CILP2: variants seen among roughly 807,000 people sequenced by gnomAD.
CILP2 encodes the protein cartilage intermediate layer protein 2, also known as CILP-2.
Under a neutral mutation model 45.6 loss-of-function variants are expected in CILP2, and 38 were observed. The observed-to-expected ratio is 0.83, with a 90% CI of 0.64 to 1.09. The LOEUF is 1.09. CILP2 is among the 50% of genes least tolerant of loss of function. The pLI is 0.00. For missense variants in CILP2, 1,735 were observed against 1,662.2 expected (o/e 1.04, Z -0.76); for synonymous variants, 780 against 723.5 (o/e 1.08, Z -1.25).
In CILP2 at chr19:19,544,255, C is replaced by G; in HGVS notation, c.1710C>G (p.Ile570Met). Reference protein sequence around the residue: ...VILHTSQSNTIPLGELEDEAP... With the variant: ...VILHTSQSNTMPLGELEDEAP... ...TACATACCAGCCAGAGCAACACGAT[C>G]CCCCTGGGCGAGCTGGAAGATGAGG... The change falls in exon 8 of 8, where the codon ATC becomes ATG. Residue 570 changes from isoleucine to methionine, a missense_variant. Physicochemically the swap from Ile to Met is conservative, Grantham distance 10 (BLOSUM62 1). Coordinates refer to ENST00000291495, the MANE Select transcript of CILP2 (RefSeq NM_153221.2). 2.5e-6 allele frequency: 4 copies of G among 1,613,756 alleles called. No individual in the cohort carries two copies. The highest frequency in any genetic ancestry group is 3.4e-6 in the Non-Finnish European group (4 of 1,180,004).
Position 19,545,989 on chromosome 19 carries a change from CACCCGCCGGGGT to C in CILP2, c.3446_3457del (p.Thr1149_Gly1152del), listed in dbSNP as rs915105055. 2 of 1,507,484 alleles carry C rather than the reference CACCCGCCGGGGT, an allele frequency of 1.3e-6. No homozygotes were observed. The highest frequency in any genetic ancestry group is 2.8e-5 in the African/African-American group (2 of 71,682). The allele number at this position is 1,507,484 out of a possible 1,614,324, so 93.4% of individuals were successfully genotyped here. On this transcript the variant is annotated inframe_deletion, in exon 8 of 8. Transcript: ENST00000291495. ...AGGCCCGGGCCTCAGGTCCCCTCCGCACCCGCCGGGGTAGGGTCCGGCAGTGACCTGGGCAGG... is the reference window on the plus strand; with the variant it reads ...AGGCCCGGGCCTCAGGTCCCCTCCGCAGGGTCCGGCAGTGACCTGGGCAGG...
chr19:19,539,859 G>A, intron 2 of CILP2, 82 bp downstream of exon 2: 1 of 1,143,804 alleles, frequency 8.7e-7, no homozygotes, highest in Non-Finnish European at 1.2e-6. Context: ...CGTGTGAGGA[G>A]AGGGCACACA....
Position 19,542,403 on chromosome 19 carries a change from G to T in CILP2, c.621G>T (p.Pro207=). 6.2e-7 allele frequency: 1 copy of T among 1,612,008 alleles called. No homozygotes were observed. The change falls in exon 5 of 8, where the codon CCG becomes CCT. Residue 207 remains proline, a synonymous_variant. Coordinates refer to ENST00000291495, the MANE Select transcript of CILP2 (RefSeq NM_153221.2). ...GCAGCCTTGACACCTGTGAATGCCC[G>T]GACCACATCCTCCTGGGCTCGGTGG... ...PGCSLDTCEC[P]DHILLGSVVT... is the part of the protein sequence containing the mutation.
chr19:19,546,065 C>CTGT lies in CILP2; in HGVS notation c.*49_*50insTGT. On this transcript the variant is annotated 3_prime_UTR_variant, in exon 8 of 8. Transcript: ENST00000291495. ...CACCTCCCTCCAGACTCCTTTGACC[C>CTGT]CAGGAAGTTTTGCCCCTCCTTCTTC... 7.3e-7 allele frequency: 1 copy of CTGT among 1,368,478 alleles called. No individual in the cohort carries two copies. Among genetic ancestry groups the CTGT allele is most frequent in the South Asian group, 1.9e-5 (1 of 52,994 alleles). The allele number at this position is 1,368,478 out of a possible 1,614,324, so 84.8% of individuals were successfully genotyped here. A position where few individuals can be genotyped will look rare whatever the true frequency, so the allele number is the denominator to read the frequency against.
In CILP2 at chr19:19,545,951, G is replaced by T. The variant is rs1371066088; in HGVS notation, c.3406G>T (p.Ala1136Ser). 6.4e-7 allele frequency: 1 copy of T among 1,557,444 alleles called. No individual in the cohort carries two copies. The highest frequency in any genetic ancestry group is 8.7e-7 in the Non-Finnish European group (1 of 1,146,902). Residue 1136 changes from alanine (A) to serine (S), a missense_variant, in exon 8 of 8, where the codon GCG becomes TCG. Transcript: ENST00000291495. ...TGACATCCGCAGGGAGATGAGCGAG[G>T]CGGCGCAGGCACAGGCCCGGGCCTC... ...LGDIRREMSE[A>S]AQAQARASGP...
rs1222323347 is a variant in CILP2, at chr19:19,543,411, TG to T, written c.1135+7del. On this transcript the variant is annotated splice_region_variant and intron_variant, in intron 7 of 7. Coordinates refer to ENST00000291495, the MANE Select transcript of CILP2 (RefSeq NM_153221.2). ...TGCCCGGCTCACTGTACTTGGTGAG[TG>T]TCCTTGGCCACAGCCCCGAGCAAGC... The T allele has an allele frequency of 6.2e-7, 1 of 1,612,730 alleles. No individual in the cohort carries two copies. The highest frequency in any genetic ancestry group is 2.2e-5 in the East Asian group (1 of 44,866).
rs755053712 is a variant in CILP2 at position 19,545,151 on chromosome 19, G to A, written c.2606G>A (p.Gly869Asp). The change falls in exon 8 of 8, where the codon GGT (glycine) becomes GAT (aspartate). Residue 869 changes from glycine (G) to aspartate (D), a missense_variant. Transcript: ENST00000291495. Reference protein sequence around the residue: ...FRINLAKPRPGDPAEANGPVY... With the variant: ...FRINLAKPRPDDPAEANGPVY... ...ATCAACCTCGCCAAGCCCAGGCCAG[G>A]TGACCCCGCCGAGGCCAATGGGCCT... 2 of 1,612,546 alleles carry A rather than the reference G, an allele frequency of 1.2e-6. No individual in the cohort carries two copies. Among genetic ancestry groups the A allele is most frequent in the Non-Finnish European group, 1.7e-6 (2 of 1,179,834 alleles).
At chr19:19,542,773 C>A in intron 5 of CILP2, 91 bp from the exon 6 acceptor site, 1 of 1,568,098 alleles carries the variant, frequency 6.4e-7, no homozygotes, top group South Asian at 1.1e-5. Context: ...CAGAGTGAGT[C>A]GGCATTTCTG....
chr19:19,542,151 C>T (rs1042799802), intron 4 of CILP2, among the ~76,000 whole-genome samples: 30 of 152,180 alleles, frequency 2.0e-4, no homozygotes, highest in Non-Finnish European at 1.2e-4. Flanking sequence ...CTCTTCCCTA[C>T]GTCTCTGGAT....
In CILP2 at chr19:19,539,660, C is replaced by T. The variant is rs1485318666; in HGVS notation, c.65-19C>T. ...CATCAGTAGCAGCGTGCTTCCTTCT[C>T]CCCACTCCTCACCCACAGACGCCAC... On this transcript the variant is annotated intron_variant, in intron 1 of 7. Coordinates refer to ENST00000291495, the MANE Select transcript of CILP2 (RefSeq NM_153221.2). The T allele has an allele frequency of 1.3e-6, 2 of 1,550,308 alleles. No homozygotes were observed. The highest frequency in any genetic ancestry group is 2.4e-5 in the South Asian group (2 of 84,212).
At chr19:19,538,803 C>A (rs573414028) in intron 1 of CILP2, among the ~76,000 whole-genome samples, 4 of 152,222 alleles carry the variant, frequency 2.6e-5, no homozygotes, top group Non-Finnish European at 5.9e-5. Flanking sequence ...GACGGGCCCA[C>A]TTCTCAAGTG....
chr19:19,544,418 C>A lies in CILP2; in HGVS notation c.1873C>A (p.Leu625Met), dbSNP rs752175387. The A allele has an allele frequency of 2.5e-6, 4 of 1,610,474 alleles. No homozygotes were observed. The African/African-American group carries it at 4.0e-5, about 16-fold the overall frequency. The change falls in exon 8 of 8, where the codon CTG (leucine) becomes ATG (methionine). Residue 625 changes from leucine (L) to methionine (M), a missense_variant. Transcript: ENST00000291495. ...LTSAASAPSD[L>M]RFVDSDGELA... The stretch of plus-strand genomic sequence containing the variant: ...CTCGGCGGCGTCTGCCCCCAGTGAC[C>A]TGCGCTTCGTGGACAGCGACGGCGA...
Position 19,543,934 on chromosome 19 carries a change from T to C in CILP2, c.1389T>C (p.Cys463=). ...TCCCAGTGAAGGTGGTGGCAGAGTG[T>C]GGCTGCCAGAAGTGTCTGCCCCCTC... is the stretch of plus-strand genomic sequence containing the variant. ...YVLPVKVVAE[C]GCQKCLPPRG... The change falls in exon 8 of 8, where the codon TGT becomes TGC. Residue 463 remains cysteine, a synonymous_variant. Coordinates refer to ENST00000291495, the MANE Select transcript of CILP2 (RefSeq NM_153221.2). The C allele has an allele frequency of 1.9e-6, 3 of 1,613,452 alleles. No individual in the cohort carries two copies. Among genetic ancestry groups the C allele is most frequent in the Non-Finnish European group, 2.5e-6 (3 of 1,179,664 alleles).
At chr19:19,542,993 C>G in intron 6 of CILP2, 21 bp downstream of exon 6, 1 of 1,478,176 alleles carries the variant, frequency 6.8e-7, no homozygotes, top group African/African-American at 1.4e-5. Flanking sequence ...GCCCCGGGCT[C>G]AGGGGCATCT....
Position 19,538,301 on chromosome 19 carries a change from C to A in CILP2, c.-49C>A. On this transcript the variant is annotated 5_prime_UTR_variant, in exon 1 of 8. Transcript: ENST00000291495. ...CCGCCAGACCCGCCGGAGTTGGACCCGAGCACGCCGCGGAGCCCGGACCCT... is the reference window on the plus strand; with the variant it reads ...CCGCCAGACCCGCCGGAGTTGGACCAGAGCACGCCGCGGAGCCCGGACCCT... 2 of 1,526,142 alleles carry A rather than the reference C, an allele frequency of 1.3e-6. No individual in the cohort carries two copies. The highest frequency in any genetic ancestry group is 1.8e-6 in the Non-Finnish European group (2 of 1,138,588). The allele number at this position is 1,526,142 out of a possible 1,614,324, so 94.5% of individuals were successfully genotyped here. A position where few individuals can be genotyped will look rare whatever the true frequency, so the allele number is the denominator to read the frequency against.
intron 2 of CILP2, 168 bp from the exon 3 acceptor site, chr19:19,540,036 A>T: frequency 1.1e-6 from 1 of 945,798 alleles, no homozygotes; most frequent in African/African-American, 1.7e-5. Flanking sequence ...GTCGCGGGGA[A>T]CCCAGTCTGC....
At position 19,542,596 on chromosome 19, in the gene CILP2, C is replaced by A. The variant is rs1016706792; in HGVS notation, c.814C>A (p.Gln272Lys). Residue 272 changes from glutamine to lysine, a missense_variant, in exon 5 of 8, where the codon CAG becomes AAG. Gln to Lys is a moderately conservative substitution (Grantham distance 53). Transcript: ENST00000291495. The stretch of plus-strand genomic sequence containing the variant: ...GGATGGCTTCTCTGCAGGGGAGGCC[C>A]AGGCCCAGGCCAACGGATCCATCTC... ...QMDGFSAGEA[Q>K]AQANGSISVV... The A allele has an allele frequency of 1.2e-6, 2 of 1,614,096 alleles. No homozygotes were observed. Among genetic ancestry groups the A allele is most frequent in the Admixed American group, 3.3e-5 (2 of 60,030 alleles).
chr19:19,540,294 G>C lies in CILP2; in HGVS notation c.254G>C (p.Gly85Ala). ...ESLAAIRFYY[G>A]PARVCPRPLA... ...CTGGCTGCCATCCGCTTCTACTACG[G>C]GCCAGCGCGCGTGTGCCCGCGACCG... The change falls in exon 3 of 8, where the codon GGG (glycine) becomes GCG (alanine). Residue 85 changes from glycine to alanine, a missense_variant. Coordinates refer to ENST00000291495, the MANE Select transcript of CILP2 (RefSeq NM_153221.2). The C allele has an allele frequency of 1.3e-6, 2 of 1,593,648 alleles. No homozygotes were observed. The highest frequency in any genetic ancestry group is 8.5e-7 in the Non-Finnish European group (1 of 1,173,766).
In CILP2 at chr19:19,545,906, TC is replaced by T; in HGVS notation, c.3365del (p.Pro1122ArgfsTer12). 3.2e-6 allele frequency: 5 copies of T among 1,581,212 alleles called. No individual in the cohort carries two copies. The highest frequency in any genetic ancestry group is 2.2e-5 in the South Asian group (2 of 89,502). The part of the protein sequence containing the change: ...RPSLFQRLLE[S>X]PATALGDIRR... ...CAGCCTCTTCCAGAGGCTGCTGGAG[TC>T]CCCGGCGACAGCACTTGGTGACATC... On this transcript the variant is annotated frameshift_variant, in exon 8 of 8. Transcript: ENST00000291495. LOFTEE classifies it low-confidence loss of function (END_TRUNC).
Sources: allele counts gnomAD v4.1 joint callset (sites outside exome capture counted in the v4.1 genomes callset), GRCh38; gene constraint gnomAD v4.1.1; transcripts MANE v1.5; gene names NCBI Gene and HGNC (gene_info 2026-07-23, HGNC 2026-07-21).